Variants in ATP6V0A2 observed in about 807,000 individuals in gnomAD.
ATP6V0A2 encodes the protein V-type proton ATPase 116 kDa subunit a 2.
A neutral mutation model predicts 104.4 loss-of-function variants in ATP6V0A2; 58 were observed. The ratio of observed to expected loss-of-function variants is 0.56; its 90% CI spans 0.45 to 0.69. ATP6V0A2 has a LOEUF of 0.69. Among genes scored for constraint, ATP6V0A2 ranks in the 30% least tolerant of loss-of-function variants. The pLI, the probability that ATP6V0A2 is intolerant of heterozygous loss-of-function variation, is 0.00. For missense variants in ATP6V0A2, 938 were observed against 1,062.9 expected (o/e 0.88, Z 1.63); for synonymous variants, 376 against 397.9 (o/e 0.95, Z 0.65).
chr12:123,721,383 C>T (rs1956397946), intron 2 of ATP6V0A2: 1 of 157,232 alleles, frequency 6.4e-6, no homozygotes, highest in South Asian at 1.8e-4. Context: ...AGGGGATGGT[C>T]ACAGGGTACT....
chr12:123,751,154 C>T lies in ATP6V0A2; in HGVS notation c.1980C>T (p.Val660=). 1 of 1,614,144 alleles carries T rather than the reference C, an allele frequency of 6.2e-7. No individual in the cohort carries two copies. The highest frequency in any genetic ancestry group is 8.5e-7 in the Non-Finnish European group (1 of 1,180,032). Reference sequence around the variant, plus strand: ...TGCTGGTTGTCACAGCATTGTCTGTCCCTGTCCTCTTCTTGGGAAAGCCAC... The same window carrying T: ...TGCTGGTTGTCACAGCATTGTCTGTTCCTGTCCTCTTCTTGGGAAAGCCAC... The part of the protein sequence containing the change: ...RVLLVVTALS[V]PVLFLGKPLF... Residue 660 remains valine, a synonymous_variant, in exon 16 of 20, where the codon GTC becomes GTT. Transcript: ENST00000330342.
intron 9 of ATP6V0A2, among the ~76,000 whole-genome samples, chr12:123,738,641 T>C (rs187334665): frequency 2.6e-5 from 4 of 152,352 alleles, no homozygotes; most frequent in East Asian, 1.9e-4. Context: ...GTTGAACTTA[T>C]CCATCTTTGC....
In ATP6V0A2 at chr12:123,760,475, A is replaced by G. The variant is rs1158773653; in HGVS notation, c.*2443A>G. On this transcript the variant is annotated 3_prime_UTR_variant, in exon 20 of 20. Transcript: ENST00000330342. ...AGTTTTGTTTGTTAAGGCTTTTGCT[A>G]GAACCTATTATGTATCCAGTTTTTA... 1 of 152,196 alleles carries G rather than the reference A, an allele frequency of 6.6e-6. No individual in the cohort carries two copies. The highest frequency in any genetic ancestry group is 1.5e-5 in the Non-Finnish European group (1 of 68,030). 9.4% of individuals were successfully genotyped at this position (152,196 alleles called of 1,614,324 possible).
intron 19 of ATP6V0A2, among the ~76,000 whole-genome samples, chr12:123,757,566 C>A (rs1230610414): frequency 1.3e-5 from 2 of 152,194 alleles, no homozygotes; most frequent in Non-Finnish European, 1.5e-5. Flanking sequence ...GTTGCTCTGT[C>A]TTATTGCAAG....
intron 6 of ATP6V0A2, 171 bp from the exon 7 acceptor site, chr12:123,733,755 T>C (rs1240862632): frequency 3.2e-6 from 2 of 634,078 alleles, no homozygotes; most frequent in Non-Finnish European, 5.7e-6. Flanking sequence ...GTGGATTGGT[T>C]TGGGGCTGTT....
At chr12:123,713,379 G>C (rs1397169377) in intron 1 of ATP6V0A2, among the ~76,000 whole-genome samples, 1 of 152,104 alleles carries the variant, frequency 6.6e-6, no homozygotes. Flanking sequence ...TCGAGTGGAA[G>C]CTGTCTCCCC....
At chr12:123,742,821 G>A (rs1216618326) in intron 9 of ATP6V0A2, among the ~76,000 whole-genome samples, 3 of 151,300 alleles carry the variant, frequency 2.0e-5, no homozygotes, top group Non-Finnish European at 4.4e-5. Flanking sequence ...GGGTGACAGA[G>A]CGAGACTCCT....
intron 4 of ATP6V0A2, among the ~76,000 whole-genome samples, chr12:123,725,742 C>T (rs902970231): frequency 3.3e-5 from 5 of 151,016 alleles, no homozygotes; most frequent in Admixed American, 2.0e-4. Context: ...GCTATGATTG[C>T]GCCACTGCAC....
In ATP6V0A2 at chr12:123,748,665, T is replaced by C; in HGVS notation, c.1815T>C (p.Ile605=). The part of the protein sequence containing the change: ...LCIFGYLIFM[I]FYKWLVFSAE... ...TCTTTGGATACCTTATATTTATGAT[T>C]TTCTACAAGTGGCTGGTTTTTTCAG... The change falls in exon 15 of 20, where the codon ATT becomes ATC. Residue 605 remains isoleucine, a synonymous_variant. Coordinates refer to ENST00000330342, the MANE Select transcript of ATP6V0A2 (RefSeq NM_012463.4). The C allele has an allele frequency of 6.2e-7, 1 of 1,614,194 alleles. No individual in the cohort carries two copies. Among genetic ancestry groups the C allele is most frequent in the East Asian group, 2.2e-5 (1 of 44,890 alleles).
rs996911764 is a variant in ATP6V0A2, at chr12:123,712,435, C to T, written c.-131C>T. ...GGGGCGGCCGCTGCAGTCTGGAGCC[C>T]CATAGTGCGGGGCCGCGGCCAGGCC... On this transcript the variant is annotated 5_prime_UTR_variant, in exon 1 of 20. Coordinates refer to ENST00000330342, the MANE Select transcript of ATP6V0A2 (RefSeq NM_012463.4). 10 of 509,124 alleles carry T rather than the reference C, an allele frequency of 2.0e-5. No individual in the cohort carries two copies. The highest frequency in any genetic ancestry group is 2.6e-5 in the Non-Finnish European group (8 of 309,776). 31.5% of individuals were successfully genotyped at this position (509,124 alleles called of 1,614,324 possible). A position where few individuals can be genotyped will look rare whatever the true frequency, so the allele number is the denominator to read the frequency against.
chr12:123,732,322 G>A, intron 6 of ATP6V0A2: 1 of 154,412 alleles, frequency 6.5e-6, no homozygotes, highest in Non-Finnish European at 1.4e-5. Context: ...GCCTGGCTGG[G>A]CCCCTGCTCC....
In ATP6V0A2 at chr12:123,722,362, C is replaced by T. The variant is rs1956407665; in HGVS notation, c.208C>T (p.Gln70Ter). ...ELERILVYLV[Q>*]EINRADIPLP... ...TTTTATTTTCACAGTGTATTTGGTA[C>T]AGGAAATTAATAGAGCTGATATTCC... Residue 70 changes from glutamine to a stop codon, truncating the protein, a stop_gained, in exon 3 of 20, where the codon CAG (glutamine) becomes TAG (stop). Transcript: ENST00000330342. LOFTEE classifies it high-confidence loss of function. 2 of 1,599,508 alleles carry T rather than the reference C, an allele frequency of 1.3e-6. No individual in the cohort carries two copies. The highest frequency in any genetic ancestry group is 1.7e-6 in the Non-Finnish European group (2 of 1,166,712).
intron 9 of ATP6V0A2, 134 bp from the exon 10 acceptor site, chr12:123,743,651 C>T (rs1956630266): frequency 2.1e-6 from 2 of 963,408 alleles, no homozygotes; most frequent in African/African-American, 3.8e-5. Flanking sequence ...GAAACTCCGT[C>T]TCAAAAAAAA....
At chr12:123,736,640 G>A (rs564550596) in intron 8 of ATP6V0A2, among the ~76,000 whole-genome samples, 53 of 152,320 alleles carry the variant, frequency 3.5e-4, no homozygotes, top group African/African-American at 8.7e-4. Flanking sequence ...TCAGTTAAGC[G>A]AGAGGATTTC....
chr12:123,746,000 T>C (rs1956658465), intron 13 of ATP6V0A2, among the ~76,000 whole-genome samples: 1 of 152,228 alleles, frequency 6.6e-6, no homozygotes, highest in South Asian at 2.1e-4. Flanking sequence ...TTTATTCTTA[T>C]CTCTAATCAT....
chr12:123,725,205 A>G (rs1051369001), intron 4 of ATP6V0A2, among the ~76,000 whole-genome samples: 1 of 152,186 alleles, frequency 6.6e-6, no homozygotes, highest in Admixed American at 6.5e-5. Context: ...AAGTGCTGGG[A>G]TTACAGGAGT....
intron 13 of ATP6V0A2, among the ~76,000 whole-genome samples, chr12:123,746,418 T>C (rs1372492118): frequency 6.6e-6 from 1 of 151,882 alleles, no homozygotes; most frequent in African/African-American, 2.4e-5. Context: ...GAATACCTCA[T>C]TCTAAAATCT....
Position 123,712,630 on chromosome 12 carries a change from C to T in ATP6V0A2, c.65C>T (p.Ala22Val), listed in dbSNP as rs916996699. 1.2e-6 allele frequency: 2 copies of T among 1,608,002 alleles called. No homozygotes were observed. ...CAGCTCTTCCTGCAGTCGGGCACGGCCTACGAGTGCCTCAGCGCCCTGGGC... is the reference window on the plus strand; with the variant it reads ...CAGCTCTTCCTGCAGTCGGGCACGGTCTACGAGTGCCTCAGCGCCCTGGGC... ...LAQLFLQSGTAYECLSALGEK... is the reference protein window; with the variant it reads ...LAQLFLQSGTVYECLSALGEK... Residue 22 changes from alanine (A) to valine (V), a missense_variant, in exon 1 of 20, where the codon GCC becomes GTC. Coordinates refer to ENST00000330342, the MANE Select transcript of ATP6V0A2 (RefSeq NM_012463.4).
At chr12:123,754,694 C>T in intron 18 of ATP6V0A2, 157 bp downstream of exon 18, 1 of 641,016 alleles carries the variant, frequency 1.6e-6, no homozygotes, top group Non-Finnish European at 2.8e-6. Flanking sequence ...ACACAGCTCT[C>T]TTGGCTATTT....
Sources: gnomAD v4.1 joint callset for allele counts (sites outside exome capture counted in the v4.1 genomes callset) on GRCh38, gnomAD v4.1.1 for gene constraint, MANE v1.5 for transcripts, NCBI Gene and HGNC (gene_info 2026-07-23, HGNC 2026-07-21) for gene names.